The following KCNT2 variants were observed in gnomAD, a reference collection of about 807,000 sequenced individuals.
KCNT2 encodes the protein potassium sodium-activated channel subfamily T member 2.
In KCNT2, 67 loss-of-function variants were observed where a neutral mutation model predicts 153.8. That is an observed-to-expected ratio of 0.44 (90% CI 0.36 to 0.53). The LOEUF (loss-of-function observed/expected upper bound fraction) is 0.53. Among genes scored for constraint, KCNT2 ranks in the 20% least tolerant of loss-of-function variants. The pLI, the probability that KCNT2 is intolerant of heterozygous loss-of-function variation, is 0.00. For synonymous variants in KCNT2, 500 were observed against 458.8 expected, an observed-to-expected ratio of 1.09 and a Z score of -1.15; for missense variants, 975 against 1,354.8, an observed-to-expected ratio of 0.72 and a Z score of 4.40.
intron 27 of KCNT2, among the ~76,000 whole-genome samples, chr1:196,232,109 A>G (rs1654009004): frequency 3.3e-5 from 5 of 151,772 alleles, no homozygotes; most frequent in Admixed American, 3.3e-4. Flanking sequence ...ATTTTCTTTG[A>G]CCAAATAAAA....
At chr1:196,276,284 A>T (rs1658561543) in intron 25 of KCNT2, among the ~76,000 whole-genome samples, 2 of 152,050 alleles carry the variant, frequency 1.3e-5, no homozygotes, top group African/African-American at 4.8e-5. Context: ...TGTGGTTAGT[A>T]TTCATTTCCT....
chr1:196,585,691 T>C (rs2148988100), intron 1 of KCNT2, among the ~76,000 whole-genome samples: 1 of 152,270 alleles, frequency 6.6e-6, no homozygotes, highest in South Asian at 2.1e-4. Flanking sequence ...AGAGTATTTT[T>C]TTCTTGTAAT....
At position 196,329,973 on chromosome 1, in the gene KCNT2, A is replaced by C. The variant is rs553039159; in HGVS notation, c.2103+1183T>G. Reference sequence around the variant, plus strand: ...GACATATATATATATATATATATATATATATATATATTTGAATGAGACCAA... The same window carrying C: ...GACATATATATATATATATATATATCTATATATATATTTGAATGAGACCAA... On this transcript the variant is annotated intron_variant, in intron 18 of 27. Transcript: ENST00000294725. Among the ~76,000 whole-genome samples the C allele has an allele frequency of 9.9e-3, 1,351 of 136,890 alleles. 23 individuals carry two copies. The highest frequency in any genetic ancestry group is 0.015 in the Non-Finnish European group (969 of 64,852). 89.8% of individuals were successfully genotyped at this position (136,890 alleles called of 152,430 possible).
chr1:196,243,733 G>A (rs1377372572), intron 26 of KCNT2, among the ~76,000 whole-genome samples: 1 of 152,172 alleles, frequency 6.6e-6, no homozygotes. Context: ...AAAGTGCTCT[G>A]GGGTTCTAAA....
chr1:196,443,407 G>A (rs1348826811), intron 8 of KCNT2, among the ~76,000 whole-genome samples: 2 of 151,490 alleles, frequency 1.3e-5, no homozygotes, highest in African/African-American at 4.8e-5. Context: ...GCCCTCCACA[G>A]CCTTGCAGCT....
intron 1 of KCNT2, among the ~76,000 whole-genome samples, chr1:196,587,956 G>GAAAT (rs1662889198): frequency 1.3e-5 from 2 of 151,990 alleles, no homozygotes; most frequent in African/African-American, 4.8e-5. Flanking sequence ...AAAAATGGTA[G>GAAAT]CACTTGCTGG....
At chr1:196,576,758 A>G (rs567725254) in intron 1 of KCNT2, among the ~76,000 whole-genome samples, 61 of 152,222 alleles carry the variant, frequency 4.0e-4, no homozygotes, top group Admixed American at 1.2e-3. Flanking sequence ...AAAGCTTTCT[A>G]TGTCACTAGG....
chr1:196,424,458 A>C (rs1673475556), intron 11 of KCNT2, among the ~76,000 whole-genome samples: 1 of 151,954 alleles, frequency 6.6e-6, no homozygotes, highest in South Asian at 2.1e-4. Flanking sequence ...TTTCTCTAGC[A>C]CACCCAAATA....
intron 27 of KCNT2, 126 bp downstream of exon 27, chr1:196,235,860 T>A (rs1654389044): frequency 3.6e-6 from 2 of 550,590 alleles, no homozygotes; most frequent in Non-Finnish European, 6.5e-6. Flanking sequence ...ATTTATAAAA[T>A]TAGGTATAGA....
At chr1:196,333,540 A>T (rs952749525) in intron 17 of KCNT2, among the ~76,000 whole-genome samples, 1 of 152,176 alleles carries the variant, frequency 6.6e-6, no homozygotes, top group African/African-American at 2.4e-5. Flanking sequence ...CCATACAATT[A>T]TGAAAATGAA....
At chr1:196,600,463 C>T (rs1248731633) in intron 1 of KCNT2, among the ~76,000 whole-genome samples, 1 of 152,112 alleles carries the variant, frequency 6.6e-6, no homozygotes, top group Non-Finnish European at 1.5e-5. Flanking sequence ...ATTAAGAAAA[C>T]TACAGTGACA....
intron 1 of KCNT2, among the ~76,000 whole-genome samples, chr1:196,562,189 A>G (rs1558080681): frequency 6.6e-6 from 1 of 152,014 alleles, no homozygotes; most frequent in Non-Finnish European, 1.5e-5. Flanking sequence ...CCATTTCAAA[A>G]TATGACAAAG....
chr1:196,388,441 C>T (rs970140576), intron 13 of KCNT2, among the ~76,000 whole-genome samples: 2 of 151,502 alleles, frequency 1.3e-5, no homozygotes, highest in African/African-American at 4.8e-5. Flanking sequence ...AAAGTGACAG[C>T]TATAATTTCA....
intron 19 of KCNT2, among the ~76,000 whole-genome samples, chr1:196,325,558 T>C (rs1310813141): frequency 2.6e-5 from 4 of 152,164 alleles, no homozygotes. Context: ...AACCACTGTA[T>C]TGCCATAGCC....
chr1:196,308,991 T>C (rs2147993633), intron 21 of KCNT2, among the ~76,000 whole-genome samples: 1 of 152,008 alleles, frequency 6.6e-6, no homozygotes, highest in East Asian at 1.9e-4. Flanking sequence ...GTAAGATTCC[T>C]GACTTTAAAC....
chr1:196,293,331 A>AAAAAC (rs200560576), intron 22 of KCNT2, among the ~76,000 whole-genome samples: 2,433 of 152,272 alleles, frequency 0.016, 30 homozygotes, highest in Non-Finnish European at 0.026. Context: ...CTTAAGAGAA[A>AAAAAC]AAAACAAAAC....
intron 5 of KCNT2, among the ~76,000 whole-genome samples, chr1:196,473,917 C>T (rs1678306002): frequency 6.6e-6 from 1 of 151,982 alleles, no homozygotes; most frequent in Non-Finnish European, 1.5e-5. Context: ...GTATTAAATA[C>T]ATTTTTCATT....
At chr1:196,342,840 C>A (rs1294697670) in intron 14 of KCNT2, among the ~76,000 whole-genome samples, 1 of 151,998 alleles carries the variant, frequency 6.6e-6, no homozygotes, top group Admixed American at 6.6e-5. Context: ...AGGATCTCTC[C>A]AACTAACTGA....
chr1:196,319,657 A>C, intron 19 of KCNT2, 102 bp from the exon 20 acceptor site: 1 of 584,064 alleles, frequency 1.7e-6, no homozygotes, highest in Non-Finnish European at 3.0e-6. Context: ...TCCAAAACTC[A>C]ACACTGCTGA....
Sources: gnomAD v4.1 joint callset for allele counts (sites outside exome capture counted in the v4.1 genomes callset) on GRCh38, gnomAD v4.1.1 for gene constraint, MANE v1.5 for transcripts, NCBI Gene and HGNC (gene_info 2026-07-23, HGNC 2026-07-21) for gene names.